The following CTNNA2 variants were observed in gnomAD, a reference collection of about 807,000 sequenced individuals.
CTNNA2 encodes catenin alpha 2, also known as catenin alpha-2.
A neutral mutation model predicts 101.0 loss-of-function variants in CTNNA2; 42 were observed. That is an observed-to-expected ratio of 0.42 (90% CI 0.32 to 0.54). CTNNA2 has a LOEUF of 0.54. CTNNA2 is among the 20% of genes least tolerant of loss of function. The pLI is 0.14. For missense variants in CTNNA2, 871 were observed against 1,223.1 expected (o/e 0.71, Z 4.29); for synonymous variants, 450 against 456.4 (o/e 0.99, Z 0.18).
chr2:80,279,083 T>TGTGTGTGTGTGA lies in CTNNA2; in HGVS notation c.1057-114125_1057-114124insTGTGTGTGAGTG, dbSNP rs1229748045. Among the ~76,000 whole-genome samples the TGTGTGTGTGTGA allele has an allele frequency of 1.5e-4, 22 of 150,364 alleles. 1 individual carries two copies. Among genetic ancestry groups the TGTGTGTGTGTGA allele is most frequent in the South Asian group, 4.2e-4 (2 of 4,736 alleles). ...GTGTGTGTGTGTGTGTGTGTGTGTG[T>TGTGTGTGTGTGA]GTGAAACAGAGAGAGAGAGAGAGAA... On this transcript the variant is annotated intron_variant, in intron 7 of 18. Coordinates refer to ENST00000402739, the MANE Select transcript of CTNNA2 (RefSeq NM_001282597.3).
At chr2:80,227,857 A>G (rs576022564) in intron 7 of CTNNA2, among the ~76,000 whole-genome samples, 3 of 152,144 alleles carry the variant, frequency 2.0e-5, no homozygotes, top group African/African-American at 4.8e-5. Flanking sequence ...AACAAAAAAA[A>G]ACAACTATTA....
intron 2 of CTNNA2, among the ~76,000 whole-genome samples, chr2:79,674,856 G>A (rs936814696): frequency 6.6e-6 from 1 of 152,104 alleles, no homozygotes; most frequent in African/African-American, 2.4e-5. Context: ...TATTTTCCAA[G>A]GTTTCTATAT....
At chr2:80,200,769 C>T (rs1009753248) in intron 7 of CTNNA2, among the ~76,000 whole-genome samples, 1 of 152,052 alleles carries the variant, frequency 6.6e-6, no homozygotes, top group Non-Finnish European at 1.5e-5. Context: ...CTCCTAACCT[C>T]ATGATCCACC....
At chr2:79,894,062 CT>C (rs756617099) in intron 6 of CTNNA2, among the ~76,000 whole-genome samples, 10,348 of 86,640 alleles carry the variant, frequency 0.12, 396 homozygotes, top group Admixed American at 0.13. Flanking sequence ...TCTTCTTCTT[CT>C]TCCTCCTCCT....
rs1675020129 is a variant in CTNNA2, at chr2:79,788,472, T to C, written c.298+43890T>C. Among the ~76,000 whole-genome samples, 2 of 152,136 alleles carry C rather than the reference T, an allele frequency of 1.3e-5. 1 individual carries two copies. Among genetic ancestry groups the C allele is most frequent in the South Asian group, 4.1e-4 (2 of 4,830 alleles). On this transcript the variant is annotated intron_variant, in intron 3 of 18. Coordinates refer to ENST00000402739, the MANE Select transcript of CTNNA2 (RefSeq NM_001282597.3). ...GAATAAATTCAGTTATAAATATCTA[T>C]GAGAAATGCCTCTGTCAGTTTCAGA...
chr2:80,474,282 TG>T (rs1165524522), intron 9 of CTNNA2, among the ~76,000 whole-genome samples: 7 of 152,228 alleles, frequency 4.6e-5, no homozygotes, highest in Non-Finnish European at 8.8e-5. Context: ...GGTTGGCTTT[TG>T]TTGGCACTGG....
intron 2 of CTNNA2, among the ~76,000 whole-genome samples, chr2:79,686,134 G>C (rs992047648): frequency 2.0e-5 from 3 of 152,046 alleles, no homozygotes; most frequent in Non-Finnish European, 2.9e-5. Flanking sequence ...AATTAGTTTG[G>C]CTGGTAGACC....
chr2:79,935,994 C>T (rs899244268), intron 7 of CTNNA2, among the ~76,000 whole-genome samples: 6 of 152,178 alleles, frequency 3.9e-5, no homozygotes, highest in Non-Finnish European at 7.3e-5. Context: ...AATCTGCATG[C>T]TGATGTTATA....
At chr2:80,412,591 A>T (rs1400934978) in intron 8 of CTNNA2, among the ~76,000 whole-genome samples, 1 of 152,164 alleles carries the variant, frequency 6.6e-6, no homozygotes, top group African/African-American at 2.4e-5. Flanking sequence ...ATGAAAACTT[A>T]TTCTATGTAT....
chr2:79,323,570 A>G lies in CTNNA2; in HGVS notation c.-318+10774A>G, dbSNP rs530990218. Among the ~76,000 whole-genome samples, 8 of 152,312 alleles carry G rather than the reference A, an allele frequency of 5.3e-5. No homozygotes were observed. In the East Asian group the frequency reaches 1.5e-3, roughly 29 times the overall value. Reference sequence around the variant, plus strand: ...AAGTAAAACAAAACAAACAAAAAAAACAGATCCACAATTTTTTTCTGGCAT... The same window carrying G: ...AAGTAAAACAAAACAAACAAAAAAAGCAGATCCACAATTTTTTTCTGGCAT... On this transcript the variant is annotated intron_variant, in intron 3 of 21. Transcript: ENST00000466387.
At chr2:79,785,913 G>T (rs1674802273) in intron 3 of CTNNA2, among the ~76,000 whole-genome samples, 1 of 152,120 alleles carries the variant, frequency 6.6e-6, no homozygotes, top group African/African-American at 2.4e-5. Flanking sequence ...GTTATTGTTT[G>T]TATGCTCTTC....
At chr2:80,308,321 G>A (rs1024529346) in intron 7 of CTNNA2, among the ~76,000 whole-genome samples, 1 of 152,182 alleles carries the variant, frequency 6.6e-6, no homozygotes, top group Non-Finnish European at 1.5e-5. Flanking sequence ...AATGTTCAAG[G>A]AAGGAAATTT....
chr2:80,267,541 C>T (rs772411225), intron 7 of CTNNA2, among the ~76,000 whole-genome samples: 53 of 152,142 alleles, frequency 3.5e-4, no homozygotes, highest in Admixed American at 6.5e-4. Context: ...ATGGAGCTTC[C>T]AGTCTGGGAG....
chr2:79,965,055 A>G (rs768158870), intron 7 of CTNNA2, among the ~76,000 whole-genome samples: 7 of 152,216 alleles, frequency 4.6e-5, no homozygotes, highest in African/African-American at 7.2e-5. Flanking sequence ...CTTGAATGGC[A>G]TTTCGAAGCA....
chr2:79,251,754 C>T (rs1179479250), intron 2 of CTNNA2, among the ~76,000 whole-genome samples: 1 of 152,144 alleles, frequency 6.6e-6, no homozygotes, highest in Non-Finnish European at 1.5e-5. Flanking sequence ...GACATGACTG[C>T]AGCCCTGGCT....
chr2:80,238,245 C>G (rs7572580), intron 7 of CTNNA2, among the ~76,000 whole-genome samples: 18,358 of 151,982 alleles, frequency 0.12, 2,612 homozygotes, highest in African/African-American at 0.34. Context: ...AGGGGAATGG[C>G]GGCATGGCAG....
chr2:79,560,771 A>G (rs2685156), intron 1 of CTNNA2, among the ~76,000 whole-genome samples: 12,018 of 152,004 alleles, frequency 0.079, 641 homozygotes, highest in Non-Finnish European at 0.12. Context: ...TATATCCTGG[A>G]AACGCCTTAG....
rs1311105648 is a variant in CTNNA2, at chr2:80,142,035, G to C, written c.1056+232238G>C. Among the ~76,000 whole-genome samples the C allele has an allele frequency of 1.3e-5, 2 of 152,034 alleles. 1 individual carries two copies. Among genetic ancestry groups the C allele is most frequent in the South Asian group, 4.1e-4 (2 of 4,828 alleles). On this transcript the variant is annotated intron_variant, in intron 7 of 18. Coordinates refer to ENST00000402739, the MANE Select transcript of CTNNA2 (RefSeq NM_001282597.3). The stretch of plus-strand genomic sequence containing the variant: ...TGTTCTTTGTTCTGAATTTCTTCCT[G>C]AGGGGCCTGGAGGTCAGATGTAATA...
intron 6 of CTNNA2, among the ~76,000 whole-genome samples, chr2:79,907,561 C>T (rs1034990519): frequency 4.6e-5 from 7 of 152,128 alleles, no homozygotes; most frequent in African/African-American, 1.2e-4. Flanking sequence ...CCCTATAGGG[C>T]CATCCACTGT....
Sources: allele counts gnomAD v4.1 joint callset (sites outside exome capture counted in the v4.1 genomes callset), GRCh38; gene constraint gnomAD v4.1.1; transcripts MANE v1.5; gene names NCBI Gene and HGNC (gene_info 2026-07-23, HGNC 2026-07-21).